The following NTF3 variants were observed in gnomAD, a reference collection of about 807,000 sequenced individuals.
NTF3 encodes neurotrophin 3.
A neutral mutation model predicts 26.3 loss-of-function variants in NTF3; 8 were observed. The observed-to-expected ratio is 0.30, with a 90% CI of 0.18 to 0.55. NTF3 has a LOEUF of 0.55. Ranked by LOEUF, NTF3 falls within the 20% of genes least tolerant of loss-of-function variation. NTF3 has a pLI of 0.93. For missense variants in NTF3, 276 were observed against 352.9 expected (o/e 0.78, Z 1.75); for synonymous variants, 154 against 145.5 (o/e 1.06, Z -0.42).
In NTF3 at chr12:5,456,100, G is replaced by A. The variant is rs1478587853; in HGVS notation, c.18+23758G>A. ...CCGGACCTCCAGTCAATGGTGGGCT[G>A]TCAGTCGTCAGCTGAGGTTGAGCTT... On this transcript the variant is annotated intron_variant, in intron 1 of 1. Coordinates refer to ENST00000423158, the MANE Select transcript of NTF3 (RefSeq NM_001102654.2). The surrounding 1 kb of genome is among the most constrained non-coding windows in gnomAD (Gnocchi z 4.4). Among the ~76,000 whole-genome samples the A allele has an allele frequency of 3.3e-5, 5 of 152,352 alleles. No individual in the cohort carries two copies. The East Asian group carries it at 9.7e-4, about 29-fold the overall frequency.
chr12:5,454,569 G>A (rs1257780630), intron 1 of NTF3, among the ~76,000 whole-genome samples: 2 of 152,208 alleles, frequency 1.3e-5, no homozygotes, highest in Non-Finnish European at 2.9e-5. Context: ...CTAACACATA[G>A]TCAGTTCTCT....
Position 5,494,408 on chromosome 12 carries a change from A to C in NTF3, c.233A>C (p.Lys78Thr). 1 of 1,613,716 alleles carries C rather than the reference A, an allele frequency of 6.2e-7. No individual in the cohort carries two copies. Among genetic ancestry groups the C allele is most frequent in the Non-Finnish European group, 8.5e-7 (1 of 1,179,992 alleles). ...GAAAATTACCAGAGCACCCTGCCCA[A>C]AGCTGAGGCTCCCCGAGAGCCGGAG... ...VKENYQSTLP[K>T]AEAPREPERG... The change falls in exon 2 of 2, where the codon AAA becomes ACA. Residue 78 changes from lysine to threonine, a missense_variant. Coordinates refer to ENST00000423158, the MANE Select transcript of NTF3 (RefSeq NM_001102654.2). The surrounding 1 kb of genome is among the most constrained non-coding windows in gnomAD (Gnocchi z 8.3).
At chr12:5,480,082 T>C (rs1323895324) in intron 1 of NTF3, among the ~76,000 whole-genome samples, 1 of 152,196 alleles carries the variant, frequency 6.6e-6, no homozygotes, top group Admixed American at 6.5e-5. Context: ...GCTCTTCCAG[T>C]GCAGCCCCTC....
chr12:5,432,897 A>G (rs1940115097), intron 1 of NTF3, among the ~76,000 whole-genome samples: 1 of 151,818 alleles, frequency 6.6e-6, no homozygotes, highest in African/African-American at 2.4e-5. Flanking sequence ...GCTCCCCTGC[A>G]CACGCCCTGC....
At chr12:5,466,602 G>A (rs751301255) in intron 1 of NTF3, among the ~76,000 whole-genome samples, 1 of 152,188 alleles carries the variant, frequency 6.6e-6, no homozygotes, top group East Asian at 1.9e-4. Context: ...GGATAAGAGG[G>A]GAAATGGGAA....
intron 1 of NTF3, among the ~76,000 whole-genome samples, chr12:5,470,571 C>T (rs773876925): frequency 5.3e-5 from 8 of 152,208 alleles, no homozygotes; most frequent in Non-Finnish European, 1.2e-4. Context: ...TAAGTCTCCC[C>T]TGCCACCTCT....
intron 1 of NTF3, among the ~76,000 whole-genome samples, chr12:5,472,331 T>C (rs1427018504): frequency 2.0e-5 from 3 of 152,198 alleles, no homozygotes; most frequent in Non-Finnish European, 2.9e-5. Flanking sequence ...TAATTCTAGC[T>C]CTGTCACCTA....
chr12:5,451,185 T>C (rs1427670403), intron 1 of NTF3, among the ~76,000 whole-genome samples: 4 of 152,360 alleles, frequency 2.6e-5, no homozygotes, highest in Admixed American at 1.3e-4. Flanking sequence ...TATAATGAAC[T>C]ACCTTATGGG....
At chr12:5,476,266 T>A (rs1392967242) in intron 1 of NTF3, among the ~76,000 whole-genome samples, 1 of 152,122 alleles carries the variant, frequency 6.6e-6, no homozygotes, top group Non-Finnish European at 1.5e-5. Context: ...CTAAGGAGAT[T>A]CGTAGGTGGA....
chr12:5,433,141 C>G lies in NTF3; in HGVS notation c.18+799C>G, dbSNP rs10849268. Reference sequence around the variant, plus strand: ...TGGCCAGCGCCCACCCGGTGGCCACCCCACCCTGGGCCTTTGCGCAGATGT... The same window carrying G: ...TGGCCAGCGCCCACCCGGTGGCCACGCCACCCTGGGCCTTTGCGCAGATGT... On this transcript the variant is annotated intron_variant, in intron 1 of 1. Transcript: ENST00000423158. The surrounding 1 kb of genome is among the most constrained non-coding windows in gnomAD (Gnocchi z 4.6). The G allele has an allele frequency of 0.21, 31,330 of 152,286 alleles. 3,372 individuals carry two copies. Among genetic ancestry groups the G allele is most frequent in the African/African-American group, 0.24 (10,047 of 41,530 alleles). 9.4% of individuals were successfully genotyped at this position (152,286 alleles called of 1,614,324 possible).
chr12:5,481,466 T>C, intron 1 of NTF3, among the ~76,000 whole-genome samples: 1 of 12,338 alleles, frequency 8.1e-5, no homozygotes, highest in Non-Finnish European at 2.0e-4. Flanking sequence ...ACACACAGAA[T>C]AACACCACAC....
intron 1 of NTF3, among the ~76,000 whole-genome samples, chr12:5,466,785 C>T (rs1940595080): frequency 6.6e-6 from 1 of 152,196 alleles, no homozygotes; most frequent in Non-Finnish European, 1.5e-5. Context: ...GGCTGGGTTT[C>T]CCGGGGAGGG....
chr12:5,445,533 A>G (rs1300143292), intron 1 of NTF3, among the ~76,000 whole-genome samples: 1 of 152,196 alleles, frequency 6.6e-6, no homozygotes, highest in Non-Finnish European at 1.5e-5. Flanking sequence ...TGGCAAAGCC[A>G]AAGGGAGCCA....
At chr12:5,464,439 A>G (rs140845758) in intron 1 of NTF3, among the ~76,000 whole-genome samples, 1 of 152,342 alleles carries the variant, frequency 6.6e-6, no homozygotes, top group African/African-American at 2.4e-5. Flanking sequence ...ATGCTTCTCA[A>G]CATACAAAGA....
At chr12:5,479,655 G>A (rs1312535563) in intron 1 of NTF3, among the ~76,000 whole-genome samples, 2 of 152,134 alleles carry the variant, frequency 1.3e-5, no homozygotes, top group African/African-American at 2.4e-5. Flanking sequence ...TGGATTTCTT[G>A]GCTTTAACAT....
intron 1 of NTF3, among the ~76,000 whole-genome samples, chr12:5,462,199 C>G (rs1207230851): frequency 1.2e-5 from 1 of 83,042 alleles, no homozygotes; most frequent in Non-Finnish European, 2.3e-5. Flanking sequence ...TCACAGCACT[C>G]TCTCTCATTG....
intron 1 of NTF3, among the ~76,000 whole-genome samples, chr12:5,438,325 A>G (rs963288541): frequency 1.3e-5 from 2 of 152,138 alleles, no homozygotes; most frequent in African/African-American, 4.8e-5. Context: ...ACACCCCCAC[A>G]TGGTCAGAAT....
chr12:5,436,366 A>G (rs73039966), intron 1 of NTF3, among the ~76,000 whole-genome samples: 13,157 of 152,288 alleles, frequency 0.086, 616 homozygotes, highest in South Asian at 0.12. Flanking sequence ...ATTGGTCAGA[A>G]GATCCGGGGC....
intron 1 of NTF3, among the ~76,000 whole-genome samples, chr12:5,463,867 T>A (rs1940553948): frequency 1.3e-5 from 2 of 152,198 alleles, no homozygotes; most frequent in African/African-American, 4.8e-5. Flanking sequence ...AGTTTTCATA[T>A]CTATGAAATT....
Sources: allele counts gnomAD v4.1 joint callset (sites outside exome capture counted in the v4.1 genomes callset), GRCh38; gene constraint gnomAD v4.1.1; non-coding constraint Gnocchi (gnomAD v3.1); transcripts MANE v1.5; gene names NCBI Gene and HGNC (gene_info 2026-07-23, HGNC 2026-07-21).